Variants in MECR observed in about 807,000 individuals in gnomAD.
The protein encoded by MECR is mitochondrial trans-2-enoyl-CoA reductase, also known as enoyl-[acyl-carrier-protein] reductase, mitochondrial.
Under a neutral mutation model 49.1 loss-of-function variants are expected in MECR, and 37 were observed. The observed-to-expected ratio is 0.75, with a 90% confidence interval of 0.58 to 0.99. The LOEUF is 0.99. Among genes scored for constraint, MECR ranks in the 50% least tolerant of loss-of-function variants. MECR has a pLI of 0.00. For missense variants in MECR, 470 were observed against 479.6 expected (o/e 0.98, Z 0.19); for synonymous variants, 198 against 191.1 (o/e 1.04, Z -0.30).
the MECR span, chr1:29,181,838 C>T: frequency 0.26 from 298,139 of 1,151,754 alleles, 40,786 homozygotes; most frequent in Middle Eastern, 0.3. Flanking sequence ...GCAGCGGCGG[C>T]GGCGGCAACG....
At chr1:29,192,570 C>T (rs1438396754), downstream of MECR, among the ~76,000 whole-genome samples, 1 of 152,138 alleles carries the variant, frequency 6.6e-6, no homozygotes, top group Non-Finnish European at 1.5e-5. Context: ...TAGCTTTGGG[C>T]ACACACTAGG....
intron 1 of MECR, among the ~76,000 whole-genome samples, chr1:29,229,205 A>AT (rs35185139): frequency 0.23 from 33,544 of 143,746 alleles, 3,941 homozygotes; most frequent in East Asian, 0.41. Flanking sequence ...ATCTAGCTTG[A>AT]TTTTTTTTTT....
At chr1:29,211,830 C>T (rs1478203631) in intron 3 of MECR, among the ~76,000 whole-genome samples, 2 of 152,176 alleles carry the variant, frequency 1.3e-5, no homozygotes, top group Admixed American at 1.3e-4. Context: ...TCTGGTCTCC[C>T]CTGGGATTGG....
intron 1 of MECR, among the ~76,000 whole-genome samples, chr1:29,222,797 AC>A (rs1457498676): frequency 3.3e-5 from 5 of 152,102 alleles, no homozygotes; most frequent in Admixed American, 3.3e-4. Context: ...GGCTGGCCCC[AC>A]ATTTGCTGCA....
intron 2 of MECR, 46 bp downstream of exon 2, chr1:29,216,542 C>T (rs895450076): frequency 1.1e-5 from 17 of 1,575,440 alleles, no homozygotes; most frequent in Non-Finnish European, 1.5e-5. Flanking sequence ...GAGGTGGCAG[C>T]TGAACAAAAA....
chr1:29,208,047 C>T (rs1286128210), intron 3 of MECR, among the ~76,000 whole-genome samples: 1 of 151,998 alleles, frequency 6.6e-6, no homozygotes, highest in African/African-American at 2.4e-5. Context: ...GGCTGGAGTG[C>T]AATGGCATGA....
intron 7 of MECR, among the ~76,000 whole-genome samples, chr1:29,199,429 G>A (rs1365121049): frequency 4.6e-5 from 7 of 151,126 alleles, no homozygotes; most frequent in African/African-American, 9.7e-5. Context: ...GGGTTTCACC[G>A]TGTTAGCCAG....
At chr1:29,220,156 C>T (rs910347782) in intron 1 of MECR, among the ~76,000 whole-genome samples, 7 of 150,236 alleles carry the variant, frequency 4.7e-5, no homozygotes, top group African/African-American at 7.4e-5. Flanking sequence ...TTTGGGAGGC[C>T]GAGGAGGGTG....
At chr1:29,188,036 C>CAAAAAAA (rs57284689), downstream of MECR, among the ~76,000 whole-genome samples, 1 of 66,406 alleles carries the variant, frequency 1.5e-5, no homozygotes, top group Non-Finnish European at 2.6e-5. Flanking sequence ...GACTCTGTCT[C>CAAAAAAA]AAAAAAAAAA....
chr1:29,228,926 G>A (rs759613207), intron 1 of MECR: 3 of 152,184 alleles, frequency 2.0e-5, no homozygotes, highest in Non-Finnish European at 4.4e-5. Flanking sequence ...ACAAGTCCGT[G>A]GGAGAGACAC....
chr1:29,185,084 C>T, the MECR span, among the ~76,000 whole-genome samples: 2 of 151,880 alleles, frequency 1.3e-5, no homozygotes, highest in Non-Finnish European at 2.9e-5. Context: ...CAAGATTGTG[C>T]CATTGCACTC....
At chr1:29,220,393 TC>T (rs1680489666) in intron 1 of MECR, among the ~76,000 whole-genome samples, 1 of 151,970 alleles carries the variant, frequency 6.6e-6, no homozygotes. Context: ...AAAGTGGGAC[TC>T]CGTCTCAAAA....
the MECR span, chr1:29,172,235 TATTA>T: frequency 1.3e-5 from 2 of 152,158 alleles, no homozygotes; most frequent in Non-Finnish European, 2.9e-5. Context: ...TATCTCTATT[TATTA>T]TTCATTCAAG....
the MECR span, among the ~76,000 whole-genome samples, chr1:29,175,711 A>AAAAAG: frequency 6.8e-6 from 1 of 146,440 alleles, no homozygotes; most frequent in Non-Finnish European, 1.5e-5. Context: ...AAAAAAAAAA[A>AAAAAG]AAAAAAAAAA....
chr1:29,212,379 T>A lies in MECR; in HGVS notation c.406+3626A>T, dbSNP rs1479539502. 3.9e-5 allele frequency among the ~76,000 whole-genome samples: 6 copies of A among 152,248 alleles called. No homozygotes were observed. The South Asian group carries it at 1.2e-3, about 32-fold the overall frequency. On this transcript the variant is annotated intron_variant, in intron 3 of 9. Transcript: ENST00000263702. ...GGTTGCAGGTTGCAGTGAGCCAAGA[T>A]TGCACCAGCCTGGGCAACAGAGCGA...
At chr1:29,199,518 C>T (rs189203519) in intron 7 of MECR, among the ~76,000 whole-genome samples, 5 of 152,254 alleles carry the variant, frequency 3.3e-5, no homozygotes, top group Admixed American at 2.0e-4. Flanking sequence ...TGAGCCACTG[C>T]GCCCGGCCTA....
intron 1 of MECR, among the ~76,000 whole-genome samples, chr1:29,226,454 T>C (rs1028195925): frequency 1.3e-5 from 2 of 152,202 alleles, no homozygotes; most frequent in Non-Finnish European, 2.9e-5. Flanking sequence ...CCCAATTTTA[T>C]AGTCCATCTC....
the MECR span, among the ~76,000 whole-genome samples, chr1:29,186,220 A>G: frequency 1.3e-5 from 2 of 152,184 alleles, no homozygotes; most frequent in African/African-American, 4.8e-5. Context: ...TATTCCTTCT[A>G]AATATTCACA....
At chr1:29,177,714 TA>T in the MECR span, among the ~76,000 whole-genome samples, 2 of 152,070 alleles carry the variant, frequency 1.3e-5, no homozygotes, top group African/African-American at 4.8e-5. Flanking sequence ...AAAAGTTCTC[TA>T]GAACAGTGGC....
Sources: gnomAD v4.1 joint callset for allele counts (sites outside exome capture counted in the v4.1 genomes callset) on GRCh38, gnomAD v4.1.1 for gene constraint, MANE v1.5 for transcripts, NCBI Gene and HGNC (gene_info 2026-07-23, HGNC 2026-07-21) for gene names.